Variants in CCDC7 observed in about 807,000 individuals in gnomAD.
The protein encoded by CCDC7 is coiled-coil domain-containing protein 7.
A neutral mutation model predicts 196.9 loss-of-function variants in CCDC7; 183 were observed. The observed-to-expected ratio is 0.93, with a 90% CI of 0.82 to 1.05. The LOEUF (loss-of-function observed/expected upper bound fraction) is 1.05. Ranked by LOEUF, CCDC7 falls within the 50% of genes least tolerant of loss-of-function variation. CCDC7 has a pLI of 0.00. For missense variants in CCDC7, 1,540 were observed against 1,482.2 expected, an observed-to-expected ratio of 1.04 and a Z score of -0.64; for synonymous variants, 525 against 484.6, an observed-to-expected ratio of 1.08 and a Z score of -1.10.
intron 24 of CCDC7, among the ~76,000 whole-genome samples, chr10:32,697,882 C>T (rs1335270502): frequency 1.3e-5 from 2 of 152,176 alleles, no homozygotes; most frequent in Non-Finnish European, 2.9e-5. Flanking sequence ...TAAAGTGGGT[C>T]CCTGACCCCC....
intron 28 of CCDC7, among the ~76,000 whole-genome samples, chr10:32,749,264 A>G (rs944421077): frequency 2.6e-5 from 4 of 152,114 alleles, no homozygotes; most frequent in Admixed American, 2.6e-4. Flanking sequence ...AGATTTTTAC[A>G]TGTTAGACTG....
At chr10:32,527,038 G>T (rs540444967) in intron 11 of CCDC7, among the ~76,000 whole-genome samples, 1 of 152,246 alleles carries the variant, frequency 6.6e-6, no homozygotes, top group African/African-American at 2.4e-5. Flanking sequence ...GGACCCCAGA[G>T]CCCTTCAGTC....
intron 5 of CCDC7, 74 bp from the exon 7 acceptor site, chr10:32,470,990 G>A (rs2460710): frequency 0.6 from 798,879 of 1,337,596 alleles, 244,609 homozygotes; most frequent in Non-Finnish European, 0.63. Flanking sequence ...TAATAAAGGA[G>A]ATAATGAAAT....
chr10:32,794,612 G>T (rs1208526352), intron 29 of CCDC7, among the ~76,000 whole-genome samples: 2 of 152,090 alleles, frequency 1.3e-5, no homozygotes. Context: ...CTTCTTAAAA[G>T]TAGCTGTTCT....
intron 28 of CCDC7, among the ~76,000 whole-genome samples, chr10:32,741,818 T>A (rs1193553491): frequency 6.6e-6 from 1 of 152,184 alleles, no homozygotes; most frequent in African/African-American, 2.4e-5. Flanking sequence ...TCTGTGTGAT[T>A]TTGTCAATAT....
At chr10:32,499,154 A>G (rs1191454551) in intron 9 of CCDC7, 1 of 151,774 alleles carries the variant, frequency 6.6e-6, no homozygotes, top group African/African-American at 2.4e-5. Context: ...TGAAGACAAA[A>G]GAAACATAAA....
chr10:32,879,661 G>T (rs1251716717), downstream of CCDC7, among the ~76,000 whole-genome samples: 1 of 151,970 alleles, frequency 6.6e-6, no homozygotes, highest in African/African-American at 2.4e-5. Flanking sequence ...TAATACCTAG[G>T]TATTAAGCCT....
chr10:32,737,033 C>G (rs185142523), intron 28 of CCDC7, among the ~76,000 whole-genome samples: 1 of 152,154 alleles, frequency 6.6e-6, no homozygotes, highest in East Asian at 1.9e-4. Flanking sequence ...AAGTTTCCTA[C>G]TATTCTTAGT....
At chr10:32,683,008 A>T (rs1362409102) in intron 21 of CCDC7, among the ~76,000 whole-genome samples, 1 of 152,020 alleles carries the variant, frequency 6.6e-6, no homozygotes, top group East Asian at 1.9e-4. Flanking sequence ...ATTAGATCCT[A>T]TTTGTTAATT....
chr10:32,518,544 A>G (rs2047403451), intron 11 of CCDC7, 39 bp downstream of exon 12: 2 of 1,520,460 alleles, frequency 1.3e-6, no homozygotes, highest in Non-Finnish European at 1.8e-6. Context: ...GCATACACCT[A>G]ATAAGGCTTA....
At chr10:32,459,629 G>C (rs1190993357) in intron 3 of CCDC7, among the ~76,000 whole-genome samples, 1 of 133,312 alleles carries the variant, frequency 7.5e-6, no homozygotes, top group Non-Finnish European at 1.6e-5. Context: ...ATAAGCCTTT[G>C]GACTTCCCTG....
intron 30 of CCDC7, among the ~76,000 whole-genome samples, chr10:32,809,025 T>G (rs2086479470): frequency 6.6e-6 from 1 of 152,248 alleles, no homozygotes; most frequent in Non-Finnish European, 1.5e-5. Flanking sequence ...CAAAAAACTT[T>G]TTTTAATTTG....
chr10:32,804,864 T>A, intron 29 of CCDC7, 151 bp from the exon 31 acceptor site: 1 of 576,228 alleles, frequency 1.7e-6, no homozygotes, highest in East Asian at 2.9e-5. Flanking sequence ...TAATGTTTAG[T>A]GATTTGGCAA....
At chr10:32,845,294 G>A in exon 34 of CCDC7, 1 of 1,575,252 alleles carries the variant, frequency 6.3e-7, no homozygotes, top group Non-Finnish European at 8.6e-7. Flanking sequence ...ATAATAAAGG[G>A]ATCAATCAAT....
chr10:32,841,847 G>A (rs948411947), intron 33 of CCDC7, among the ~76,000 whole-genome samples: 1 of 151,982 alleles, frequency 6.6e-6, no homozygotes, highest in East Asian at 1.9e-4. Context: ...ACAAAAACAC[G>A]AAGTGGGGAA....
At chr10:32,779,061 A>G (rs978754262) in exon 29 of CCDC7, 1 of 1,549,380 alleles carries the variant, frequency 6.5e-7, no homozygotes. Flanking sequence ...CTAATAATTC[A>G]ATTTGATTTA....
chr10:32,531,077 A>G (rs1008163870), intron 11 of CCDC7, among the ~76,000 whole-genome samples: 1 of 152,148 alleles, frequency 6.6e-6, no homozygotes, highest in African/African-American at 2.4e-5. Flanking sequence ...GTAAACATTG[A>G]ACCATCTTTA....
chr10:32,489,581 A>G (rs1452510221), intron 8 of CCDC7, among the ~76,000 whole-genome samples: 1 of 152,114 alleles, frequency 6.6e-6, no homozygotes, highest in Non-Finnish European at 1.5e-5. Flanking sequence ...AGCCTTAGAG[A>G]TGTGGACTGG....
At chr10:32,865,048 C>A (rs2094152201) in intron 41 of CCDC7, among the ~76,000 whole-genome samples, 1 of 151,764 alleles carries the variant, frequency 6.6e-6, no homozygotes, top group Non-Finnish European at 1.5e-5. Context: ...AGTTTGCGAC[C>A]TTACTGATGG....
Sources: gnomAD v4.1 joint callset for allele counts (sites outside exome capture counted in the v4.1 genomes callset) on GRCh38, gnomAD v4.1.1 for gene constraint, MANE v1.5 for transcripts, NCBI Gene and HGNC (gene_info 2026-07-23, HGNC 2026-07-21) for gene names.